The following FAM20C variants were observed in gnomAD, a reference collection of about 807,000 sequenced individuals.
The protein encoded by FAM20C is extracellular serine/threonine protein kinase FAM20C.
In FAM20C, 40 loss-of-function variants were observed where a neutral mutation model predicts 51.5. That is an observed-to-expected ratio of 0.78 (90% confidence interval 0.60 to 1.01). FAM20C has a LOEUF of 1.01. FAM20C is among the 50% of genes least tolerant of loss of function. The pLI is 0.00. For missense variants in FAM20C, 861 were observed against 844.7 expected, an observed-to-expected ratio of 1.02 and a Z score of -0.24; for synonymous variants, 406 against 380.6, an observed-to-expected ratio of 1.07 and a Z score of -0.78.
rs112520823 is a variant in FAM20C at position 203,262 on chromosome 7, G to A, written c.785-5636G>A. Among the ~76,000 whole-genome samples the A allele has an allele frequency of 3.2e-3, 490 of 152,364 alleles. 6 individuals are homozygous for A. Among genetic ancestry groups the A allele is most frequent in the East Asian group, 1.9e-3 (10 of 5,186 alleles). On this transcript the variant is annotated intron_variant, in intron 2 of 9. Transcript: ENST00000313766. ...AGGCTGCATCTGGGAGGGCGTCTCC[G>A]TCAGTCCCGTCCCCAGGACCTGTGC...
intron 4 of FAM20C, among the ~76,000 whole-genome samples, chr7:247,509 A>G (rs141732305): frequency 0.14 from 21,939 of 152,262 alleles, 1,834 homozygotes; most frequent in Non-Finnish European, 0.19. Context: ...GACCTGGGAC[A>G]GAATCTGCAT....
chr7:202,056 C>T (rs142724896), intron 2 of FAM20C, among the ~76,000 whole-genome samples: 2 of 152,346 alleles, frequency 1.3e-5, no homozygotes, highest in East Asian at 3.9e-4. Context: ...GGGGAAGAAG[C>T]AGACTGTCAC....
chr7:234,632 G>A (rs967607268), intron 3 of FAM20C, among the ~76,000 whole-genome samples: 4 of 152,200 alleles, frequency 2.6e-5, no homozygotes, highest in East Asian at 1.9e-4. Flanking sequence ...GGGCATCCCC[G>A]GGCCCTGTGT....
Position 195,623 on chromosome 7 carries a change from C to T in FAM20C, c.675C>T (p.Asn225=). 1 of 1,610,416 alleles carries T rather than the reference C, an allele frequency of 6.2e-7. No homozygotes were observed. The highest frequency in any genetic ancestry group is 8.5e-7 in the Non-Finnish European group (1 of 1,178,388). The change falls in exon 2 of 10, where the codon AAC becomes AAT. Residue 225 remains asparagine, a synonymous_variant. Transcript: ENST00000313766. ...AGGCGGCCGTGGACTCCTATCCCAA[C>T]TGGCTCAAGTTCCACATTGGTATCA... ...PGEAAVDSYP[N]WLKFHIGINR... is the part of the protein sequence containing the mutation.
At position 248,359 on chromosome 7, in the gene FAM20C, T is replaced by C; in HGVS notation, c.1001T>C (p.Val334Ala). The C allele has an allele frequency of 2.0e-6, 3 of 1,537,112 alleles. No homozygotes were observed. The highest frequency in any genetic ancestry group is 2.6e-6 in the Non-Finnish European group (3 of 1,146,892). Reference protein sequence around the residue: ...RRVPPVAGRMVNMTKEIRDVT... With the variant: ...RRVPPVAGRMANMTKEIRDVT... ...GTCCCTCCCGTGGCCGGCAGGATGG[T>C]CAACATGACCAAGGAGATCCGGGAC... The change falls in exon 5 of 10, where the codon GTC (valine) becomes GCC (alanine). Residue 334 changes from valine (V) to alanine (A), a missense_variant. Physicochemically the swap from Val to Ala is moderately conservative, Grantham distance 64. Coordinates refer to ENST00000313766, the MANE Select transcript of FAM20C (RefSeq NM_020223.4).
chr7:257,711 C>G (rs1788638129), intron 8 of FAM20C, among the ~76,000 whole-genome samples: 1 of 139,310 alleles, frequency 7.2e-6, no homozygotes, highest in Non-Finnish European at 1.6e-5. Context: ...ACCCCACATA[C>G]AGGGCTGGGG....
At chr7:231,997 G>A (rs991932416) in intron 3 of FAM20C, among the ~76,000 whole-genome samples, 3 of 152,162 alleles carry the variant, frequency 2.0e-5, no homozygotes, top group African/African-American at 4.8e-5. Context: ...GGTCTCTGCC[G>A]CCGACCCGGC....
chr7:212,546 TAGAG>T (rs1435571998), intron 3 of FAM20C, among the ~76,000 whole-genome samples: 2 of 152,084 alleles, frequency 1.3e-5, no homozygotes, highest in African/African-American at 4.8e-5. Context: ...CGTCGTGAAT[TAGAG>T]AGCACAGTGT....
At chr7:255,786 G>A in intron 5 of FAM20C, 63 bp from the exon 6 acceptor site, 1 of 1,523,134 alleles carries the variant, frequency 6.6e-7, no homozygotes, top group Non-Finnish European at 8.8e-7. Flanking sequence ...TGGGGGCCGT[G>A]AGACCACAGG....
intron 8 of FAM20C, among the ~76,000 whole-genome samples, chr7:258,387 C>A (rs1354765099): frequency 2.7e-5 from 3 of 112,110 alleles, no homozygotes; most frequent in African/African-American, 9.2e-5. Context: ...CAGGGTGGAC[C>A]CACTGCCCGG....
Position 195,696 on chromosome 7 carries a change from C to G in FAM20C, c.748C>G (p.Leu250Val). ...SRHNPAIEAL[L>V]HDLSSQRITS... ...ACACAACCCGGCCATCGAGGCCCTGCTGCACGACCTCAGCTCCCAGAGGAT... is the reference window on the plus strand; with the variant it reads ...ACACAACCCGGCCATCGAGGCCCTGGTGCACGACCTCAGCTCCCAGAGGAT... The change falls in exon 2 of 10, where the codon CTG (leucine) becomes GTG (valine). Residue 250 changes from leucine (L) to valine (V), a missense_variant. By Grantham distance (32) the Leu-to-Val change is conservative (BLOSUM62 1). Around this residue, in one of 3 missense-constraint regions of FAM20C, gnomAD observed 561 missense variants for 499.8 expected, o/e 1.12. Transcript: ENST00000313766. 6.2e-7 allele frequency: 1 copy of G among 1,610,434 alleles called. No homozygotes were observed.
intron 3 of FAM20C, among the ~76,000 whole-genome samples, chr7:237,441 T>C (rs1787879961): frequency 2.0e-5 from 3 of 152,082 alleles, no homozygotes; most frequent in African/African-American, 7.3e-5. Flanking sequence ...ATAATGGTGA[T>C]GACGGTGATG....
rs201277814 is a variant in FAM20C at position 216,698 on chromosome 7, T to A, written c.863+7722T>A. Reference sequence around the variant, plus strand: ...GTGTGTGTGAGAGTGTGTGTGTGTGTGAGACAGAGTGTGTGTGTGTGTGTG... The same window carrying A: ...GTGTGTGTGAGAGTGTGTGTGTGTGAGAGACAGAGTGTGTGTGTGTGTGTG... On this transcript the variant is annotated intron_variant, in intron 3 of 9. Transcript: ENST00000313766. Among the ~76,000 whole-genome samples the A allele has an allele frequency of 5.7e-3, 785 of 136,572 alleles. 6 individuals carry two copies. The highest frequency in any genetic ancestry group is 0.021 in the African/African-American group (712 of 34,160). 89.6% of individuals were successfully genotyped at this position (136,572 alleles called of 152,430 possible).
Position 260,312 on chromosome 7 carries a change from A to G in FAM20C, c.*332A>G. On this transcript the variant is annotated 3_prime_UTR_variant, in exon 10 of 10. Coordinates refer to ENST00000313766, the MANE Select transcript of FAM20C (RefSeq NM_020223.4). ...AATAAGTATATAAACAGAGACGTGTACACAGATGCCAATCACCTACCAAAC... is the reference window on the plus strand; with the variant it reads ...AATAAGTATATAAACAGAGACGTGTGCACAGATGCCAATCACCTACCAAAC... 4.8e-6 allele frequency: 1 copy of G among 207,680 alleles called. No homozygotes were observed. The highest frequency in any genetic ancestry group is 9.5e-6 in the Non-Finnish European group (1 of 104,908). The allele number at this position is 207,680 out of a possible 1,614,324, so 12.9% of individuals were successfully genotyped here.
At chr7:208,339 G>T (rs1477807421) in intron 2 of FAM20C, among the ~76,000 whole-genome samples, 2 of 147,686 alleles carry the variant, frequency 1.4e-5, no homozygotes, top group African/African-American at 2.6e-5. Flanking sequence ...GTGTAGGTGT[G>T]TGTTGTGTGT....
chr7:246,201 G>A (rs1788148711), intron 3 of FAM20C: 1 of 534,964 alleles, frequency 1.9e-6, no homozygotes. Flanking sequence ...GCCACGGGGA[G>A]CTGGGACCCC....
At chr7:203,357 A>G (rs565503240) in intron 2 of FAM20C, among the ~76,000 whole-genome samples, 2 of 152,108 alleles carry the variant, frequency 1.3e-5, no homozygotes, top group South Asian at 4.2e-4. Flanking sequence ...TCTATCTTCA[A>G]GAAAACCCAA....
chr7:209,109 T>G, intron 3 of FAM20C, 133 bp downstream of exon 3: 1 of 856,604 alleles, frequency 1.2e-6, no homozygotes, highest in Admixed American at 2.2e-5. Context: ...CACTCTCAAC[T>G]CTCCCCGTCA....
chr7:214,198 G>A (rs1165555255), intron 3 of FAM20C, among the ~76,000 whole-genome samples: 3 of 152,094 alleles, frequency 2.0e-5, no homozygotes, highest in African/African-American at 7.2e-5. Context: ...GGTGATGCAT[G>A]CCTGTAATCC....
Sources: allele counts gnomAD v4.1 joint callset (sites outside exome capture counted in the v4.1 genomes callset), GRCh38; gene constraint gnomAD v4.1.1; regional missense constraint gnomAD v4.1.1; transcripts MANE v1.5; gene names NCBI Gene and HGNC (gene_info 2026-07-23, HGNC 2026-07-21).